The following PTPRD variants were observed in gnomAD, a reference collection of about 807,000 sequenced individuals.
PTPRD encodes protein tyrosine phosphatase receptor type D, also known as receptor-type tyrosine-protein phosphatase delta.
In PTPRD, 34 loss-of-function variants were observed where a neutral mutation model predicts 214.5. The observed-to-expected ratio is 0.16, with a 90% CI of 0.12 to 0.21. The LOEUF is 0.21. Among genes scored for constraint, PTPRD ranks in the 10% least tolerant of loss-of-function variants. The pLI, the probability that PTPRD is intolerant of heterozygous loss-of-function variation, is 1.00. For missense variants in PTPRD, 2,545 were observed against 2,398.7 expected, an observed-to-expected ratio of 1.06 and a Z score of -1.27; for synonymous variants, 1,128 against 845.7, an observed-to-expected ratio of 1.33 and a Z score of -5.79.
At chr9:9,781,692 G>T (rs1025763590) in intron 5 of PTPRD, among the ~76,000 whole-genome samples, 2 of 151,962 alleles carry the variant, frequency 1.3e-5, no homozygotes, top group Non-Finnish European at 2.9e-5. Flanking sequence ...CAACTTTCTC[G>T]AAAAGACTAT....
At chr9:8,363,722 T>C (rs1425187934) in intron 39 of PTPRD, among the ~76,000 whole-genome samples, 1 of 152,184 alleles carries the variant, frequency 6.6e-6, no homozygotes, top group Non-Finnish European at 1.5e-5. Context: ...AAAAGTTTGA[T>C]GGGATAACTT....
Position 9,934,594 on chromosome 9 carries a change from A to C in PTPRD, c.-368+3913T>G, listed in dbSNP as rs541934394. Among the ~76,000 whole-genome samples the C allele has an allele frequency of 2.5e-4, 38 of 151,478 alleles. 1 individual carries two copies. The South Asian group carries it at 7.1e-3, about 28-fold the overall frequency. On this transcript the variant is annotated intron_variant, in intron 5 of 45. Transcript: ENST00000381196. ...TTATGGCAATAATCAATAGCTTACC[A>C]ACCAAAAAGAGTCCAGGACCAGATG... is the stretch of plus-strand genomic sequence containing the variant.
intron 11 of PTPRD, among the ~76,000 whole-genome samples, chr9:8,782,748 C>T (rs989776637): frequency 2.0e-5 from 3 of 152,008 alleles, no homozygotes; most frequent in Admixed American, 6.6e-5. Context: ...CAGGCGCACA[C>T]CACCACCTGA....
intron 7 of PTPRD, among the ~76,000 whole-genome samples, chr9:9,615,269 C>G (rs1194980207): frequency 6.6e-6 from 1 of 152,132 alleles, no homozygotes; most frequent in Non-Finnish European, 1.5e-5. Context: ...GCTCTGAAAA[C>G]CTTCCACCTC....
chr9:8,729,878 G>A (rs926503531), intron 12 of PTPRD, among the ~76,000 whole-genome samples: 4 of 152,164 alleles, frequency 2.6e-5, no homozygotes, highest in African/African-American at 9.7e-5. Flanking sequence ...TAATGTCAAA[G>A]AAATAAAGAA....
At chr9:9,324,476 C>A (rs961388416) in intron 9 of PTPRD, among the ~76,000 whole-genome samples, 16 of 152,280 alleles carry the variant, frequency 1.1e-4, no homozygotes, top group African/African-American at 3.6e-4. Context: ...CTGTTGGCTG[C>A]ATAAATGTCT....
chr9:8,713,753 G>A, intron 12 of PTPRD: 2 of 1,520,564 alleles, frequency 1.3e-6, no homozygotes, highest in Non-Finnish European at 1.8e-6. Flanking sequence ...TTCCACGACT[G>A]CAAGATCAAG....
chr9:10,519,967 C>T (rs1036081119), intron 2 of PTPRD, among the ~76,000 whole-genome samples: 3 of 152,176 alleles, frequency 2.0e-5, no homozygotes, highest in African/African-American at 7.2e-5. Context: ...TTACCAAAAA[C>T]CACCTATGCC....
chr9:9,466,041 G>C (rs1589157285), intron 8 of PTPRD, among the ~76,000 whole-genome samples: 1 of 152,122 alleles, frequency 6.6e-6, no homozygotes, highest in South Asian at 2.1e-4. Context: ...AGGTGTGATG[G>C]TTCACACCTA....
chr9:10,398,645 T>C (rs1324375834), intron 2 of PTPRD, among the ~76,000 whole-genome samples: 2 of 151,976 alleles, frequency 1.3e-5, no homozygotes, highest in Non-Finnish European at 2.9e-5. Flanking sequence ...TGTAAAAATA[T>C]ATTTCCAACT....
intron 7 of PTPRD, among the ~76,000 whole-genome samples, chr9:9,733,913 G>C (rs2098245309): frequency 6.6e-6 from 1 of 152,126 alleles, no homozygotes. Context: ...ATTCAAACAT[G>C]AATACAAAGC....
At chr9:10,474,739 A>G (rs1238664946) in intron 2 of PTPRD, among the ~76,000 whole-genome samples, 1 of 152,036 alleles carries the variant, frequency 6.6e-6, no homozygotes, top group Non-Finnish European at 1.5e-5. Context: ...TTGAAGTAAA[A>G]CACTACTCAG....
rs1214109696 is a variant in PTPRD at position 9,522,704 on chromosome 9, G to A, written c.-237+52028C>T. On this transcript the variant is annotated intron_variant, in intron 8 of 45. Coordinates refer to ENST00000381196, the MANE Select transcript of PTPRD (RefSeq NM_002839.4). The stretch of plus-strand genomic sequence containing the variant: ...AAAGAAAAAATAAATTTTTAAAAAG[G>A]CTTTTACTGGAGAGTAAATTACTTA... 8.5e-4 allele frequency among the ~76,000 whole-genome samples: 130 copies of A among 152,170 alleles called. 1 individual carries two copies. Among genetic ancestry groups the A allele is most frequent in the Non-Finnish European group, 1.5e-5 (1 of 68,002 alleles).
intron 11 of PTPRD, among the ~76,000 whole-genome samples, chr9:8,783,340 T>A (rs761943376): frequency 6.6e-6 from 1 of 152,228 alleles, no homozygotes; most frequent in South Asian, 2.1e-4. Flanking sequence ...TATTAGTAAC[T>A]TTCTGTATAT....
intron 44 of PTPRD, among the ~76,000 whole-genome samples, chr9:8,327,643 G>T (rs1281213519): frequency 3.3e-5 from 5 of 152,084 alleles, no homozygotes; most frequent in African/African-American, 9.7e-5. Context: ...GGGTGTTAAA[G>T]TCTCCCACTA....
chr9:9,771,292 T>C (rs910030716), intron 5 of PTPRD, among the ~76,000 whole-genome samples: 1 of 152,270 alleles, frequency 6.6e-6, no homozygotes, highest in African/African-American at 2.4e-5. Context: ...AGGTATCTGA[T>C]AGTTAACACA....
At chr9:9,304,320 T>C (rs1956409501) in intron 9 of PTPRD, among the ~76,000 whole-genome samples, 1 of 152,162 alleles carries the variant, frequency 6.6e-6, no homozygotes, top group South Asian at 2.1e-4. Flanking sequence ...AGTAAAGTGA[T>C]CATGATAATC....
chr9:9,822,048 G>A (rs1340445962), intron 5 of PTPRD, among the ~76,000 whole-genome samples: 1 of 151,454 alleles, frequency 6.6e-6, no homozygotes, highest in Non-Finnish European at 1.5e-5. Flanking sequence ...TTTGCCAAAG[G>A]CATCATGTCC....
At chr9:9,720,113 G>A (rs971769549) in intron 7 of PTPRD, among the ~76,000 whole-genome samples, 10 of 152,146 alleles carry the variant, frequency 6.6e-5, no homozygotes, top group Non-Finnish European at 1.2e-4. Context: ...CTCAAGCAGA[G>A]GTGCTGTTGA....
Sources: gnomAD v4.1 joint callset for allele counts (sites outside exome capture counted in the v4.1 genomes callset) on GRCh38, gnomAD v4.1.1 for gene constraint, MANE v1.5 for transcripts, NCBI Gene and HGNC (gene_info 2026-07-23, HGNC 2026-07-21) for gene names.